Variants in GMDS observed in about 807,000 individuals in gnomAD.
The protein encoded by GMDS is GDP-mannose 4,6-dehydratase, also known as GDP-mannose 4,6 dehydratase.
GMDS carries 20 observed loss-of-function variants against 49.9 expected under a neutral mutation model. The ratio of observed to expected loss-of-function variants is 0.40; its 90% CI spans 0.28 to 0.58. The LOEUF is 0.58. Ranked by LOEUF, GMDS falls within the 20% of genes least tolerant of loss-of-function variation. GMDS has a pLI of 0.42. For synonymous variants in GMDS, 177 were observed against 178.6 expected (o/e 0.99, Z 0.07); for missense variants, 362 against 481.4 (o/e 0.75, Z 2.32).
intron 9 of GMDS, among the ~76,000 whole-genome samples, chr6:1,676,264 T>C (rs1215762711): frequency 2.0e-5 from 3 of 152,178 alleles, no homozygotes; most frequent in African/African-American, 7.2e-5. Context: ...TACAAACCAC[T>C]GCTCAGCAAA....
intron 8 of GMDS, among the ~76,000 whole-genome samples, chr6:1,739,389 G>A (rs988256874): frequency 6.6e-6 from 1 of 152,216 alleles, no homozygotes; most frequent in African/African-American, 2.4e-5. Flanking sequence ...ACCACTCCCT[G>A]CGTGCCGCGG....
At chr6:2,142,247 C>A (rs1292796299) in intron 1 of GMDS, among the ~76,000 whole-genome samples, 1 of 152,104 alleles carries the variant, frequency 6.6e-6, no homozygotes, top group Non-Finnish European at 1.5e-5. Context: ...AAAGCGGGAT[C>A]TGTTATAGGT....
rs11967910 is a variant in GMDS, at chr6:1,792,374, A to G, written c.772-49788T>C. On this transcript the variant is annotated intron_variant, in intron 7 of 10. Transcript: ENST00000380815. ...TCAGAGAACCTACTGCTTCCTTTATACTCTTCTCCTGGAAACATCTCTCTT... is the reference window on the plus strand; with the variant it reads ...TCAGAGAACCTACTGCTTCCTTTATGCTCTTCTCCTGGAAACATCTCTCTT... 8.9e-3 allele frequency among the ~76,000 whole-genome samples: 1,351 copies of G among 151,468 alleles called. 20 individuals are homozygous for G. Among genetic ancestry groups the G allele is most frequent in the African/African-American group, 0.031 (1,296 of 41,256 alleles).
intron 7 of GMDS, among the ~76,000 whole-genome samples, chr6:1,916,573 G>C (rs1761413147): frequency 6.6e-6 from 1 of 152,014 alleles, no homozygotes; most frequent in Admixed American, 6.6e-5. Flanking sequence ...GGGAGAGAAA[G>C]AGAGAGAGCC....
At chr6:1,865,855 A>G (rs1758416031) in intron 7 of GMDS, among the ~76,000 whole-genome samples, 1 of 152,114 alleles carries the variant, frequency 6.6e-6, no homozygotes, top group Non-Finnish European at 1.5e-5. Flanking sequence ...CACAGCCCCA[A>G]GAAAAGGCGG....
intron 4 of GMDS, among the ~76,000 whole-genome samples, chr6:2,025,823 C>T (rs1201200679): frequency 6.6e-6 from 1 of 152,040 alleles, no homozygotes; most frequent in African/African-American, 2.4e-5. Context: ...CTTTCTTAAT[C>T]CTAAAAAACC....
chr6:1,647,233 C>T (rs539847191), intron 9 of GMDS, among the ~76,000 whole-genome samples: 19 of 152,306 alleles, frequency 1.2e-4, no homozygotes, highest in Non-Finnish European at 1.9e-4. Flanking sequence ...ATAACCCCTC[C>T]GCTGAACACC....
chr6:1,843,339 GATC>G (rs2113750945), intron 7 of GMDS, among the ~76,000 whole-genome samples: 1 of 152,222 alleles, frequency 6.6e-6, no homozygotes, highest in South Asian at 2.1e-4. Flanking sequence ...TGGCCATGTG[GATC>G]AAAAGGAAAT....
At chr6:1,979,891 T>G (rs1282906478) in intron 4 of GMDS, among the ~76,000 whole-genome samples, 1 of 152,158 alleles carries the variant, frequency 6.6e-6, no homozygotes, top group Non-Finnish European at 1.5e-5. Context: ...TGGCCAATAT[T>G]CAACATTCTT....
rs555736141 is a variant in GMDS, at chr6:2,169,237, G to A, written c.103-44506C>T. On this transcript the variant is annotated intron_variant, in intron 1 of 10. Coordinates refer to ENST00000380815, the MANE Select transcript of GMDS (RefSeq NM_001500.4). ...TAATGAAACAGAAGTTATTAATATC[G>A]TTATTACAAAAATACTTAAAAGTCC... Among the ~76,000 whole-genome samples, 5 of 152,216 alleles carry A rather than the reference G, an allele frequency of 3.3e-5. No homozygotes were observed. In the East Asian group the frequency reaches 5.8e-4, roughly 18 times the overall value.
chr6:1,806,910 T>C (rs1017720525), intron 7 of GMDS, among the ~76,000 whole-genome samples: 3 of 152,222 alleles, frequency 2.0e-5, no homozygotes, highest in Admixed American at 1.3e-4. Flanking sequence ...CACTCCAGCC[T>C]TGTGAATTAT....
chr6:2,173,664 CT>C (rs1260740056), intron 1 of GMDS, among the ~76,000 whole-genome samples: 3 of 152,156 alleles, frequency 2.0e-5, no homozygotes, highest in Admixed American at 1.3e-4. Flanking sequence ...TCCCTGATTG[CT>C]TATAAAGGCT....
intron 4 of GMDS, among the ~76,000 whole-genome samples, chr6:2,058,701 G>A (rs969973678): frequency 3.9e-5 from 6 of 152,142 alleles, no homozygotes; most frequent in Non-Finnish European, 7.4e-5. Flanking sequence ...AGAGATCAAC[G>A]GAGTCAAGAC....
At chr6:2,045,613 G>A (rs537284945) in intron 4 of GMDS, among the ~76,000 whole-genome samples, 1 of 151,994 alleles carries the variant, frequency 6.6e-6, no homozygotes, top group South Asian at 2.1e-4. Context: ...GGTTTTGTTT[G>A]TATGTTTGCT....
intron 9 of GMDS, among the ~76,000 whole-genome samples, chr6:1,661,295 A>G (rs1483024795): frequency 6.6e-6 from 1 of 152,226 alleles, no homozygotes; most frequent in Non-Finnish European, 1.5e-5. Context: ...AGTTGTAATC[A>G]GTGAGTGATG....
intron 1 of GMDS, among the ~76,000 whole-genome samples, chr6:2,136,492 C>G (rs1581698437): frequency 2.0e-5 from 3 of 152,220 alleles, no homozygotes; most frequent in Admixed American, 6.5e-5. Context: ...CAAACCAAAG[C>G]CAAAGTATGG....
At chr6:1,784,617 T>A (rs1769249776) in intron 7 of GMDS, among the ~76,000 whole-genome samples, 1 of 152,048 alleles carries the variant, frequency 6.6e-6, no homozygotes, top group South Asian at 2.1e-4. Context: ...AGATGGATGG[T>A]AGAGAAACTT....
intron 4 of GMDS, among the ~76,000 whole-genome samples, chr6:1,969,261 C>CAAAAAAA (rs761741871): frequency 4.3e-4 from 6 of 14,080 alleles, no homozygotes; most frequent in Non-Finnish European, 9.5e-4. Flanking sequence ...GGCTCCATCT[C>CAAAAAAA]AAAAAAAAAA....
intron 7 of GMDS, among the ~76,000 whole-genome samples, chr6:1,794,952 G>A (rs916742525): frequency 1.3e-5 from 2 of 152,188 alleles, no homozygotes; most frequent in Admixed American, 6.5e-5. Context: ...TTGGGAGGCT[G>A]AGGTGGGGTG....
Sources: gnomAD v4.1 joint callset for allele counts (sites outside exome capture counted in the v4.1 genomes callset) on GRCh38, gnomAD v4.1.1 for gene constraint, MANE v1.5 for transcripts, NCBI Gene and HGNC (gene_info 2026-07-23, HGNC 2026-07-21) for gene names.